The following KIAA1549 variants were observed in gnomAD, a reference collection of about 807,000 sequenced individuals.
KIAA1549 encodes the protein KIAA1549, also known as UPF0606 protein KIAA1549.
A neutral mutation model predicts 156.4 loss-of-function variants in KIAA1549; 70 were observed. That is an observed-to-expected ratio of 0.45 (90% confidence interval 0.37 to 0.55). The LOEUF is 0.55. KIAA1549 is among the 20% of genes least tolerant of loss of function. The pLI is 0.00. For synonymous variants in KIAA1549, 1,103 were observed against 1,066.4 expected, an observed-to-expected ratio of 1.03 and a Z score of -0.67; for missense variants, 2,428 against 2,540.9, an observed-to-expected ratio of 0.96 and a Z score of 0.96.
intron 1 of KIAA1549, among the ~76,000 whole-genome samples, chr7:138,942,696 G>A (rs1267495973): frequency 1.4e-4 from 22 of 151,994 alleles, no homozygotes; most frequent in African/African-American, 2.4e-5. Flanking sequence ...GGATCACAAG[G>A]TCAGGAGATC....
At position 138,954,359 on chromosome 7, in the gene KIAA1549, C is replaced by T. The variant is rs74559725; in HGVS notation, c.187+26724G>A. Among the ~76,000 whole-genome samples the T allele has an allele frequency of 3.9e-3, 588 of 152,252 alleles. 11 individuals are homozygous for T. Among genetic ancestry groups the T allele is most frequent in the Admixed American group, 0.031 (475 of 15,292 alleles). On this transcript the variant is annotated intron_variant, in intron 1 of 19. Transcript: ENST00000422774. Reference sequence around the variant, plus strand: ...AAGGCCTCACGGGGCATGGCTAAGTCGTACTGTGGGCCATTCCTGCAGGGA... The same window carrying T: ...AAGGCCTCACGGGGCATGGCTAAGTTGTACTGTGGGCCATTCCTGCAGGGA...
At chr7:138,923,614 A>G (rs1182311561) in intron 1 of KIAA1549, among the ~76,000 whole-genome samples, 1 of 152,200 alleles carries the variant, frequency 6.6e-6, no homozygotes, top group African/African-American at 2.4e-5. Context: ...AGAAAAAAAA[A>G]AAGATAAATA....
At chr7:138,895,103 T>C (rs1811647193) in intron 9 of KIAA1549, among the ~76,000 whole-genome samples, 1 of 152,242 alleles carries the variant, frequency 6.6e-6, no homozygotes, top group Non-Finnish European at 1.5e-5. Flanking sequence ...TTAAGTGTGC[T>C]GGACACAGTT....
At chr7:138,856,304 C>A (rs761403946) in intron 16 of KIAA1549, among the ~76,000 whole-genome samples, 1 of 151,922 alleles carries the variant, frequency 6.6e-6, no homozygotes, top group African/African-American at 2.4e-5. Flanking sequence ...TCCCACATAT[C>A]CCCTCATTTC....
rs1367724350 is a variant in KIAA1549, at chr7:138,861,403, C to T, written c.4983G>A (p.Gly1661=). 6.2e-7 allele frequency: 1 copy of T among 1,612,216 alleles called. No homozygotes were observed. Among genetic ancestry groups the T allele is most frequent in the African/African-American group, 1.3e-5 (1 of 74,956 alleles). The change falls in exon 16 of 20, where the codon GGG becomes GGA. Residue 1661 remains glycine (G), a synonymous_variant. Coordinates refer to ENST00000422774, the MANE Select transcript of KIAA1549 (RefSeq NM_001164665.2). Reference sequence around the variant, plus strand: ...CCGGGAAGGGAAGGGCTGGATACCTCCCCAGTTCCACCGAGGATGGTGTCT... The same window carrying T: ...CCGGGAAGGGAAGGGCTGGATACCTTCCCAGTTCCACCGAGGATGGTGTCT... ...DVQTPSSVEL[G]RYPALPFPAS...
intron 1 of KIAA1549, among the ~76,000 whole-genome samples, chr7:138,971,555 G>A (rs1025532720): frequency 1.3e-5 from 2 of 151,904 alleles, no homozygotes; most frequent in Admixed American, 6.6e-5. Context: ...CTCTTCCTAC[G>A]TTATTTCACT....
In KIAA1549 at chr7:138,913,356, T is replaced by C. The variant is rs377204653; in HGVS notation, c.2879-896A>G. Among the ~76,000 whole-genome samples, 6 of 152,322 alleles carry C rather than the reference T, an allele frequency of 3.9e-5. No individual in the cohort carries two copies. The East Asian group carries it at 1.2e-3, about 29-fold the overall frequency. ...TTAAAATTTTATGTAGGAAATAAAA[T>C]ATTTCTCATAACCAAAGCCTAGTTC... On this transcript the variant is annotated intron_variant, in intron 2 of 19. Transcript: ENST00000422774.
At chr7:138,903,854 C>CT (rs1811927774) in intron 7 of KIAA1549, 118 bp from the exon 8 acceptor site, 8 of 240,794 alleles carry the variant, frequency 3.3e-5, no homozygotes, top group Admixed American at 8.7e-5. Context: ...TGTGTGTGTG[C>CT]GCGCGCGCGC....
At chr7:138,925,604 C>T (rs555420371) in intron 1 of KIAA1549, among the ~76,000 whole-genome samples, 89 of 151,972 alleles carry the variant, frequency 5.9e-4, no homozygotes, top group African/African-American at 2.1e-3. Flanking sequence ...AGGTGGGAGG[C>T]GAGCGAATGG....
chr7:138,896,591 GTTGT>G (rs1312415049), intron 9 of KIAA1549, among the ~76,000 whole-genome samples: 7 of 150,748 alleles, frequency 4.6e-5, no homozygotes, highest in Non-Finnish European at 8.9e-5. Context: ...TGTGGGTGTG[GTTGT>G]TTTTTTTTTT....
In KIAA1549 at chr7:138,836,937, T is replaced by A. The variant is rs375726770; in HGVS notation, c.*969A>T. 7.0e-4 allele frequency: 159 copies of A among 226,880 alleles called. No homozygotes were observed. Among genetic ancestry groups the A allele is most frequent in the African/African-American group, 3.1e-3 (139 of 45,104 alleles). The allele number at this position is 226,880 out of a possible 1,614,324, so 14.1% of individuals were successfully genotyped here. ...AAATAACTTCTGCTTACAGAAGATT[T>A]CTCATTCAGACATAATTTGTGAACA... On this transcript the variant is annotated 3_prime_UTR_variant, in exon 20 of 20. Coordinates refer to ENST00000422774, the MANE Select transcript of KIAA1549 (RefSeq NM_001164665.2).
At chr7:138,843,074 A>G (rs947732963) in intron 18 of KIAA1549, among the ~76,000 whole-genome samples, 3 of 152,184 alleles carry the variant, frequency 2.0e-5, no homozygotes, top group Non-Finnish European at 4.4e-5. Context: ...ACCACTGAAA[A>G]TAATAGTGAC....
intron 19 of KIAA1549, among the ~76,000 whole-genome samples, chr7:138,839,778 CTTTTT>C (rs763327649): frequency 1.6e-5 from 1 of 61,362 alleles, no homozygotes; most frequent in Non-Finnish European, 3.0e-5. Flanking sequence ...GGGATTATGT[CTTTTT>C]TTTTTTTTTT....
chr7:138,869,601 T>G lies in KIAA1549; in HGVS notation c.4712A>C (p.Gln1571Pro). 1 of 1,603,228 alleles carries G rather than the reference T, an allele frequency of 6.2e-7. No homozygotes were observed. Among genetic ancestry groups the G allele is most frequent in the East Asian group, 2.3e-5 (1 of 44,422 alleles). ...RHRVYRRAQM[Q>P]IDKILDPTAS... The stretch of plus-strand genomic sequence containing the variant: ...CGTGGGGTCCAGGATCTTGTCGATC[T>G]GCATCTGTGCCCTGCGGTACACCCG... The change falls in exon 14 of 20, where the codon CAG becomes CCG. Residue 1571 changes from glutamine to proline, a missense_variant. By Grantham distance (76) the Gln-to-Pro change is moderately conservative. Transcript: ENST00000422774.
At position 138,899,242 on chromosome 7, in the gene KIAA1549, A is replaced by G. The variant is rs115807307; in HGVS notation, c.3670-110T>C. On this transcript the variant is annotated intron_variant, in intron 8 of 19. Coordinates refer to ENST00000422774, the MANE Select transcript of KIAA1549 (RefSeq NM_001164665.2). ...ACTCAGGATTTATTCCAATCCTCAT[A>G]ATAAGCTCCGTAAGCCATTCAGGGG... The G allele has an allele frequency of 9.2e-4, 908 of 989,544 alleles. 4 individuals carry two copies. The African/African-American group carries it at 0.013, about 14-fold the overall frequency. The allele number at this position is 989,544 out of a possible 1,614,324, so 61.3% of individuals were successfully genotyped here.
rs144122317 is a variant in KIAA1549 at position 138,913,642 on chromosome 7, TG to T, written c.2879-1183del. Among the ~76,000 whole-genome samples the T allele has an allele frequency of 9.6e-3, 1,465 of 152,334 alleles. 13 individuals carry two copies. The highest frequency in any genetic ancestry group is 0.027 in the Middle Eastern group (8 of 294). On this transcript the variant is annotated intron_variant, in intron 2 of 19. Transcript: ENST00000422774. Reference sequence around the variant, plus strand: ...CAAAAATGTTTAATTTATATTTGATTGTTTTTTTCTAGGAATCAGTGATCTG... The same window carrying T: ...CAAAAATGTTTAATTTATATTTGATTTTTTTTTCTAGGAATCAGTGATCTG...
chr7:138,955,245 A>G (rs903911927), intron 1 of KIAA1549, among the ~76,000 whole-genome samples: 1 of 152,250 alleles, frequency 6.6e-6, no homozygotes, highest in Non-Finnish European at 1.5e-5. Context: ...CCAACTGTCC[A>G]CTGGCTGATG....
chr7:138,898,047 TGCA>T (rs1811737058), intron 9 of KIAA1549, among the ~76,000 whole-genome samples: 1 of 151,616 alleles, frequency 6.6e-6, no homozygotes, highest in African/African-American at 2.4e-5. Context: ...GGCTCACACC[TGCA>T]GTAATCCCAG....
At chr7:138,943,569 G>A (rs1035907993) in intron 1 of KIAA1549, among the ~76,000 whole-genome samples, 11 of 152,012 alleles carry the variant, frequency 7.2e-5, no homozygotes, top group South Asian at 2.1e-4. Context: ...GCATTACCTC[G>A]CCAGGCGCAG....
Sources: gnomAD v4.1 joint callset for allele counts (sites outside exome capture counted in the v4.1 genomes callset) on GRCh38, gnomAD v4.1.1 for gene constraint, MANE v1.5 for transcripts, NCBI Gene and HGNC (gene_info 2026-07-23, HGNC 2026-07-21) for gene names.